The following TAPT1 variants were observed in gnomAD, a reference collection of about 807,000 sequenced individuals.
TAPT1 encodes transmembrane anterior posterior transformation protein 1 homolog.
In TAPT1, 28 loss-of-function variants were observed where a neutral mutation model predicts 65.6. That is an observed-to-expected ratio of 0.43 (90% CI 0.32 to 0.59). TAPT1 has a LOEUF of 0.59. Among genes scored for constraint, TAPT1 ranks in the 20% least tolerant of loss-of-function variants. The probability of loss-of-function intolerance (pLI) is 0.09; values close to 1 mark genes in which losing one functional copy is unlikely to be tolerated. For missense variants in TAPT1, 563 were observed against 679.9 expected (o/e 0.83, Z 1.91); for synonymous variants, 278 against 245.2 (o/e 1.13, Z -1.25).
chr4:16,193,091 TATG>T (rs1289203040), intron 3 of TAPT1, among the ~76,000 whole-genome samples: 2 of 152,222 alleles, frequency 1.3e-5, no homozygotes, highest in African/African-American at 4.8e-5. Flanking sequence ...ATGTGCACTG[TATG>T]ATGTTTTCAG....
At position 16,226,239 on chromosome 4, in the gene TAPT1, C is replaced by G. The variant is rs1578497567; in HGVS notation, c.199+20G>C. ...GTCCGCCCCTCGGAGCCCGCCACGG[C>G]CTAGCGCCGCCCGCCTCACCTGTGC... On this transcript the variant is annotated intron_variant, in intron 1 of 13. Coordinates refer to ENST00000405303, the MANE Select transcript of TAPT1 (RefSeq NM_153365.3). 9.0e-7 allele frequency: 1 copy of G among 1,113,282 alleles called. No homozygotes were observed. The highest frequency in any genetic ancestry group is 1.1e-6 in the Non-Finnish European group (1 of 912,754). The allele number at this position is 1,113,282 out of a possible 1,614,324, so 69.0% of individuals were successfully genotyped here. A position where few individuals can be genotyped will look rare whatever the true frequency, so the allele number is the denominator to read the frequency against.
At chr4:16,173,413 A>G (rs1748127168) in intron 11 of TAPT1, among the ~76,000 whole-genome samples, 1 of 151,908 alleles carries the variant, frequency 6.6e-6, no homozygotes, top group Admixed American at 6.6e-5. Context: ...AAAAATACAT[A>G]TTTCTTTTTA....
At chr4:16,181,439 G>A (rs777886226) in intron 7 of TAPT1, among the ~76,000 whole-genome samples, 6 of 151,986 alleles carry the variant, frequency 3.9e-5, no homozygotes, top group African/African-American at 7.3e-5. Context: ...AACTACCATC[G>A]AATTTAAATT....
Position 16,191,611 on chromosome 4 carries a change from T to C in TAPT1, c.450-88A>G, listed in dbSNP as rs561618891. ...AATCTTTACTCGATATACACTGGCA[T>C]ACAAAGGTAAAAATAAGAATTATGT... On this transcript the variant is annotated intron_variant, in intron 3 of 13. Transcript: ENST00000405303. The C allele has an allele frequency of 2.7e-4, 345 of 1,285,094 alleles. 2 individuals carry two copies. The African/African-American group carries it at 4.6e-3, about 17-fold the overall frequency. The allele number at this position is 1,285,094 out of a possible 1,614,324, so 79.6% of individuals were successfully genotyped here. A position where few individuals can be genotyped will look rare whatever the true frequency, so the allele number is the denominator to read the frequency against.
chr4:16,194,859 G>GTCTTCTTCTTCTTCT lies in TAPT1; in HGVS notation c.450-3351_450-3337dup, dbSNP rs71649940. ...TTAAAAAACAAGGGTCTTGATTTCT[G>GTCTTCTTCTTCTTCT]TCTTCTTCTTCTTCTTCTTCTTCTT... On this transcript the variant is annotated intron_variant, in intron 3 of 13. Transcript: ENST00000405303. Among the ~76,000 whole-genome samples, 467 of 146,996 alleles carry GTCTTCTTCTTCTTCT rather than the reference G, an allele frequency of 3.2e-3. 20 individuals are homozygous for GTCTTCTTCTTCTTCT. The highest frequency in any genetic ancestry group is 0.012 in the African/African-American group (438 of 37,436).
At chr4:16,226,088 G>A (rs1355970128) in intron 1 of TAPT1, 171 bp downstream of exon 1, 1 of 1,025,910 alleles carries the variant, frequency 9.7e-7, no homozygotes, top group Non-Finnish European at 1.2e-6. Flanking sequence ...AACTGTCAAC[G>A]GCCGCGGAGC....
At chr4:16,178,739 T>C (rs908765502) in intron 8 of TAPT1, among the ~76,000 whole-genome samples, 4 of 152,192 alleles carry the variant, frequency 2.6e-5, no homozygotes, top group African/African-American at 9.6e-5. Context: ...GTCTTGACAA[T>C]TTCCTGTCAG....
chr4:16,222,216 G>T (rs552005390), intron 1 of TAPT1, among the ~76,000 whole-genome samples: 1 of 152,322 alleles, frequency 6.6e-6, no homozygotes, highest in Non-Finnish European at 1.5e-5. Flanking sequence ...GAATTTCAGA[G>T]CGTAAACTAA....
At chr4:16,214,006 A>G in intron 1 of TAPT1, 108 bp from the exon 2 acceptor site, 1 of 855,050 alleles carries the variant, frequency 1.2e-6, no homozygotes, top group South Asian at 2.3e-5. Context: ...AGACCAAAAT[A>G]AATGTTATCT....
Position 16,177,365 on chromosome 4 carries a change from G to T in TAPT1, c.998-1137C>A, listed in dbSNP as rs6816631. On this transcript the variant is annotated intron_variant, in intron 8 of 13. Transcript: ENST00000405303. ...TAAGAACTTGGAAAAGAATGTAAGA[G>T]TGGGACACAGCAAGAAAAAGATAGG... Among the ~76,000 whole-genome samples the T allele has an allele frequency of 9.3e-3, 1,422 of 152,246 alleles. 19 individuals are homozygous for T. Among genetic ancestry groups the T allele is most frequent in the African/African-American group, 0.033 (1,381 of 41,524 alleles).
upstream of TAPT1, chr4:16,227,220 T>C: frequency 2.2e-6 from 1 of 453,304 alleles, no homozygotes; most frequent in South Asian, 1.6e-5. Flanking sequence ...ACCGGCAGAG[T>C]TTCAAGGGCT....
chr4:16,160,811 T>C lies in TAPT1; in HGVS notation c.*2497A>G, dbSNP rs1747210425. 1 of 152,700 alleles carries C rather than the reference T, an allele frequency of 6.5e-6. No homozygotes were observed. Among genetic ancestry groups the C allele is most frequent in the Admixed American group, 6.5e-5 (1 of 15,282 alleles). 9.5% of individuals were successfully genotyped at this position (152,700 alleles called of 1,614,324 possible). ...TTACCAGGAGTGGCAGGATATATTT[T>C]GATGGCCTAATTATAGCAAGTTTCT... On this transcript the variant is annotated 3_prime_UTR_variant, in exon 14 of 14. Transcript: ENST00000405303.
rs372210746 is a variant in TAPT1 at position 16,221,607 on chromosome 4, A to G, written c.199+4652T>C. Among the ~76,000 whole-genome samples the G allele has an allele frequency of 3.9e-5, 6 of 152,386 alleles. No individual in the cohort carries two copies. In the East Asian group the frequency reaches 1.2e-3, roughly 29 times the overall value. On this transcript the variant is annotated intron_variant, in intron 1 of 13. Transcript: ENST00000405303. The stretch of plus-strand genomic sequence containing the variant: ...AAATAAGAACCAAAGATTAAAAAGT[A>G]TTAATTAAAAGTAATGAGTAATCAT...
In TAPT1 at chr4:16,183,170, C is replaced by T. The variant is rs1373684480; in HGVS notation, c.916+3365G>A. ...TTCCATTTTAATAGCTGAACGTTGC[C>T]TAGAATATTTTTTTTCTTACTTGAG... On this transcript the variant is annotated intron_variant, in intron 7 of 13. Transcript: ENST00000405303. 2.6e-5 allele frequency: 4 copies of T among 152,096 alleles called. No homozygotes were observed. In the East Asian group the frequency reaches 7.7e-4, roughly 29 times the overall value. The allele number at this position is 152,096 out of a possible 1,614,324, so 9.4% of individuals were successfully genotyped here. A position where few individuals can be genotyped will look rare whatever the true frequency, so the allele number is the denominator to read the frequency against.
chr4:16,175,883 G>C (rs1483122036), intron 9 of TAPT1, among the ~76,000 whole-genome samples: 1 of 152,172 alleles, frequency 6.6e-6, no homozygotes, highest in Non-Finnish European at 1.5e-5. Flanking sequence ...GAATGATTTT[G>C]AGTTAGTGAC....
At chr4:16,177,438 G>A (rs908305217) in intron 8 of TAPT1, among the ~76,000 whole-genome samples, 1 of 152,182 alleles carries the variant, frequency 6.6e-6, no homozygotes, top group Non-Finnish European at 1.5e-5. Context: ...CAGGTAGCCG[G>A]AAGGTGGGAT....
intron 2 of TAPT1, among the ~76,000 whole-genome samples, chr4:16,204,463 C>T (rs976564503): frequency 1.3e-4 from 20 of 152,206 alleles, no homozygotes; most frequent in Admixed American, 6.5e-4. Context: ...TTCTCAGCAG[C>T]GATTTATCAA....
intron 7 of TAPT1, chr4:16,182,993 G>A (rs1208481743): frequency 1.3e-5 from 2 of 152,112 alleles, no homozygotes; most frequent in African/African-American, 2.4e-5. Context: ...TTCTGATGGA[G>A]AAAAAATTCA....
Position 16,202,647 on chromosome 4 carries a change from A to G in TAPT1, c.331-67T>C, listed in dbSNP as rs12650015. ...AAAAATACTTGTAGATGAAAATTCC[A>G]AACAACCAGAATTTCTAAACATTAT... is the stretch of plus-strand genomic sequence containing the variant. On this transcript the variant is annotated intron_variant, in intron 2 of 13. Coordinates refer to ENST00000405303, the MANE Select transcript of TAPT1 (RefSeq NM_153365.3). The G allele has an allele frequency of 8.3e-5, 69 of 831,268 alleles. No individual in the cohort carries two copies. In the African/African-American group the frequency reaches 1.1e-3, roughly 14 times the overall value. 51.5% of individuals were successfully genotyped at this position (831,268 alleles called of 1,614,324 possible).
Sources: gnomAD v4.1 joint callset for allele counts (sites outside exome capture counted in the v4.1 genomes callset) on GRCh38, gnomAD v4.1.1 for gene constraint, MANE v1.5 for transcripts, NCBI Gene and HGNC (gene_info 2026-07-23, HGNC 2026-07-21) for gene names.